AKNAD1: variants seen among roughly 807,000 people sequenced by gnomAD.
AKNAD1 encodes AKNA domain containing 1.
In AKNAD1, 67 loss-of-function variants were observed where a neutral mutation model predicts 90.8. The ratio of observed to expected loss-of-function variants is 0.74; its 90% confidence interval spans 0.61 to 0.90. The LOEUF (loss-of-function observed/expected upper bound fraction) is 0.90, where lower values mean the gene tolerates loss of function less well. AKNAD1 is among the 40% of genes least tolerant of loss of function. AKNAD1 has a pLI of 0.00. For synonymous variants in AKNAD1, 327 were observed against 341.4 expected, an observed-to-expected ratio of 0.96 and a Z score of 0.46; for missense variants, 957 against 975.4, an observed-to-expected ratio of 0.98 and a Z score of 0.25.
intron 13 of AKNAD1, chr1:108,822,988 T>C: frequency 1.7e-6 from 1 of 572,334 alleles, no homozygotes; most frequent in South Asian, 2.3e-5. Flanking sequence ...TCTACTTCTC[T>C]ACATGCTGAC....
At chr1:108,829,321 G>A (rs1664109340) in intron 10 of AKNAD1, among the ~76,000 whole-genome samples, 1 of 146,316 alleles carries the variant, frequency 6.8e-6, no homozygotes, top group African/African-American at 2.5e-5. Context: ...CCCTGTCTTG[G>A]TACTTAATGT....
intron 14 of AKNAD1, 142 bp from the exon 15 acceptor site, chr1:108,817,319 A>T (rs955827446): frequency 1.9e-6 from 2 of 1,051,378 alleles, no homozygotes; most frequent in Non-Finnish European, 2.7e-6. Context: ...CCTAGCTCTC[A>T]TACTCCCATG....
Position 108,855,132 on chromosome 1 carries a change from G to A in AKNAD1, c.-104+1797C>T, listed in dbSNP as rs115842883. Among the ~76,000 whole-genome samples, 339 of 152,288 alleles carry A rather than the reference G, an allele frequency of 2.2e-3. 1 individual carries two copies. Among genetic ancestry groups the A allele is most frequent in the African/African-American group, 7.9e-3 (329 of 41,556 alleles). Reference sequence around the variant, plus strand: ...AATTGCATATGTAAAACATAATCTCGTCCAAGCAAGGTGGCTCATGCCTGT... The same window carrying A: ...AATTGCATATGTAAAACATAATCTCATCCAAGCAAGGTGGCTCATGCCTGT... On this transcript the variant is annotated intron_variant, in intron 1 of 15. Coordinates refer to ENST00000370001, the MANE Select transcript of AKNAD1 (RefSeq NM_152763.5).
chr1:108,839,429 C>A (rs965669120), intron 6 of AKNAD1, among the ~76,000 whole-genome samples: 1 of 137,080 alleles, frequency 7.3e-6, no homozygotes, highest in Non-Finnish European at 1.5e-5. Flanking sequence ...GCCAAGATCG[C>A]GCCACTGCAC....
chr1:108,816,407 T>C, intron 15 of AKNAD1, 105 bp from the exon 16 acceptor site: 2 of 1,223,498 alleles, frequency 1.6e-6, no homozygotes, highest in Non-Finnish European at 2.2e-6. Flanking sequence ...TTGGGGAGTA[T>C]TCCTGTTTTC....
At chr1:108,844,455 T>TAG (rs1020909171) in intron 5 of AKNAD1, among the ~76,000 whole-genome samples, 2 of 150,582 alleles carry the variant, frequency 1.3e-5, no homozygotes, top group Non-Finnish European at 3.0e-5. Flanking sequence ...TATAGATAGA[T>TAG]AGAGAGAGAG....
intron 1 of AKNAD1, among the ~76,000 whole-genome samples, chr1:108,855,804 A>C (rs1216151216): frequency 1.3e-5 from 2 of 151,928 alleles, no homozygotes; most frequent in Non-Finnish European, 1.5e-5. Flanking sequence ...AAAATAATAA[A>C]TAAATAAATA....
intron 10 of AKNAD1, among the ~76,000 whole-genome samples, chr1:108,827,663 A>C (rs1429478203): frequency 1.3e-5 from 2 of 150,820 alleles, no homozygotes. Flanking sequence ...AAGTACAAAA[A>C]ATTAGCTGGG....
intron 9 of AKNAD1, 27 bp from the exon 10 acceptor site, chr1:108,830,677 A>C: frequency 6.2e-7 from 1 of 1,610,714 alleles, no homozygotes; most frequent in African/African-American, 1.3e-5. Context: ...ACAGATGGAG[A>C]TGTGATAGAG....
intron 14 of AKNAD1, among the ~76,000 whole-genome samples, chr1:108,818,667 A>G (rs1430904432): frequency 6.6e-6 from 1 of 152,058 alleles, no homozygotes; most frequent in Non-Finnish European, 1.5e-5. Flanking sequence ...GAACCAAGAC[A>G]AACCCAAGAA....
Position 108,851,893 on chromosome 1 carries a change from G to C in AKNAD1, c.772C>G (p.Leu258Val), listed in dbSNP as rs748366190. ...KYGQGQVHYQLPDFSKIAPKV... is the reference protein window; with the variant it reads ...KYGQGQVHYQVPDFSKIAPKV... ...GGAGCAATCTTAGAGAAATCAGGGA[G>C]CTGGTAATGAACTTGACCTTGGCCG... Residue 258 changes from leucine (L) to valine (V), a missense_variant, in exon 2 of 16, where the codon CTC becomes GTC. By Grantham distance (32) the Leu-to-Val change is conservative (BLOSUM62 1). Transcript: ENST00000370001. The C allele has an allele frequency of 1.2e-6, 2 of 1,614,104 alleles. No homozygotes were observed. Among genetic ancestry groups the C allele is most frequent in the East Asian group, 4.5e-5 (2 of 44,892 alleles).
intron 11 of AKNAD1, among the ~76,000 whole-genome samples, chr1:108,824,774 T>C (rs1663942197): frequency 6.6e-6 from 1 of 151,592 alleles, no homozygotes; most frequent in South Asian, 2.1e-4. Flanking sequence ...CTTGAACTCC[T>C]GGGCTCAAGC....
At chr1:108,837,238 T>A (rs369522808) in intron 7 of AKNAD1, 26 of 227,020 alleles carry the variant, frequency 1.1e-4, no homozygotes, top group African/African-American at 5.5e-4. Context: ...GAAAAAAAAT[T>A]ATTTCTTCCA....
intron 5 of AKNAD1, among the ~76,000 whole-genome samples, chr1:108,848,007 A>G (rs1259816299): frequency 6.6e-6 from 1 of 152,194 alleles, no homozygotes; most frequent in African/African-American, 2.4e-5. Flanking sequence ...TAAAGGAGAG[A>G]ATAATCAACT....
chr1:108,855,798 TAATA>T (rs753195800), intron 1 of AKNAD1, among the ~76,000 whole-genome samples: 80 of 148,888 alleles, frequency 5.4e-4, no homozygotes, highest in Non-Finnish European at 1.1e-3. Context: ...AAATAAAAAA[TAATA>T]AATAAATAAA....
chr1:108,823,823 C>A, intron 11 of AKNAD1, 135 bp from the exon 12 acceptor site: 1 of 1,381,884 alleles, frequency 7.2e-7, no homozygotes. Flanking sequence ...GGCTGTGTCA[C>A]CAAGAGGAGT....
chr1:108,852,293 T>G lies in AKNAD1; in HGVS notation c.372A>C (p.Arg124Ser). ...GGGTTTCACAATCAATGCCTTGACC[T>G]CTTAAGAATGGCTCTTTGGAAAGAT... Reference protein sequence around the residue: ...LHHLSKEPFLRGQGIDCETLP... With the variant: ...LHHLSKEPFLSGQGIDCETLP... The change falls in exon 2 of 16, where the codon AGA becomes AGC. Residue 124 changes from arginine (R) to serine (S), a missense_variant. Physicochemically the swap from Arg to Ser is moderately radical, Grantham distance 110. Transcript: ENST00000370001. 1.2e-6 allele frequency: 2 copies of G among 1,614,220 alleles called. No individual in the cohort carries two copies. The highest frequency in any genetic ancestry group is 1.7e-6 in the Non-Finnish European group (2 of 1,180,044).
chr1:108,820,718 G>T, intron 13 of AKNAD1, 92 bp from the exon 14 acceptor site: 1 of 664,826 alleles, frequency 1.5e-6, no homozygotes, highest in Non-Finnish European at 2.6e-6. Flanking sequence ...TTGTATGAAT[G>T]AAATATTTCA....
chr1:108,848,893 T>C lies in AKNAD1; in HGVS notation c.1182+19A>G, dbSNP rs1664776610. ...ATTTGGTTACTTATATTGTTTATAA[T>C]AAGCTTTAAAAGTATTACTTTAGTC... On this transcript the variant is annotated intron_variant, in intron 4 of 15. Transcript: ENST00000370001. The C allele has an allele frequency of 3.8e-6, 6 of 1,599,358 alleles. No homozygotes were observed. Among genetic ancestry groups the C allele is most frequent in the Admixed American group, 3.5e-5 (2 of 56,356 alleles).
Sources: gnomAD v4.1 joint callset for allele counts (sites outside exome capture counted in the v4.1 genomes callset) on GRCh38, gnomAD v4.1.1 for gene constraint, MANE v1.5 for transcripts, NCBI Gene and HGNC (gene_info 2026-07-23, HGNC 2026-07-21) for gene names.